Variants in RBMS1 observed in about 807,000 individuals in gnomAD.
RBMS1 encodes RNA binding motif single stranded interacting protein 1.
Under a neutral mutation model 62.3 loss-of-function variants are expected in RBMS1, and 17 were observed. The observed-to-expected ratio is 0.27, with a 90% CI of 0.19 to 0.41. The LOEUF is 0.41. Ranked by LOEUF, RBMS1 falls within the 10% of genes least tolerant of loss-of-function variation. The pLI is 1.00. For synonymous variants in RBMS1, 172 were observed against 170.0 expected (o/e 1.01, Z -0.09); for missense variants, 334 against 504.5 (o/e 0.66, Z 3.24).
intron 1 of RBMS1, among the ~76,000 whole-genome samples, chr2:160,476,836 G>A (rs991183666): frequency 1.3e-5 from 2 of 152,062 alleles, no homozygotes; most frequent in African/African-American, 4.8e-5. Flanking sequence ...TTACAGGCGT[G>A]AGCCACCGCG....
At chr2:160,283,915 G>A (rs1161822296) in intron 9 of RBMS1, 1 of 152,148 alleles carries the variant, frequency 6.6e-6, no homozygotes. Context: ...ATTACATATT[G>A]TAGTCCTCTA....
chr2:160,484,303 G>A (rs949952523), intron 1 of RBMS1, among the ~76,000 whole-genome samples: 16 of 151,846 alleles, frequency 1.1e-4, no homozygotes, highest in African/African-American at 3.9e-4. Flanking sequence ...AGACCATCCT[G>A]GCTAACACGG....
At chr2:160,401,902 T>C (rs1432774808) in intron 1 of RBMS1, 2 of 152,208 alleles carry the variant, frequency 1.3e-5, no homozygotes, top group Non-Finnish European at 2.9e-5. Context: ...ACTTTTCTAC[T>C]TCTTGGTACT....
intron 1 of RBMS1, chr2:160,407,989 CT>C: frequency 1.1e-6 from 1 of 897,246 alleles, no homozygotes; most frequent in Non-Finnish European, 1.3e-6. Flanking sequence ...CGCCCGCCCG[CT>C]GGGCGCGGCG....
At chr2:160,387,899 T>C (rs1186244735) in intron 1 of RBMS1, among the ~76,000 whole-genome samples, 1 of 152,022 alleles carries the variant, frequency 6.6e-6, no homozygotes, top group African/African-American at 2.4e-5. Context: ...AACCCAGAGG[T>C]TTATGCCTGG....
At chr2:160,331,231 G>C (rs1559393832) in intron 2 of RBMS1, among the ~76,000 whole-genome samples, 1 of 152,132 alleles carries the variant, frequency 6.6e-6, no homozygotes, top group Non-Finnish European at 1.5e-5. Context: ...TAAAACTCCA[G>C]CCAGCTTGCC....
At chr2:160,355,194 G>A (rs1230859348) in intron 2 of RBMS1, among the ~76,000 whole-genome samples, 1 of 152,146 alleles carries the variant, frequency 6.6e-6, no homozygotes, top group Non-Finnish European at 1.5e-5. Context: ...TCGACTGAGA[G>A]TTTCGAATCC....
intron 2 of RBMS1, among the ~76,000 whole-genome samples, chr2:160,356,943 T>C (rs750750160): frequency 6.6e-6 from 1 of 151,938 alleles, no homozygotes; most frequent in Non-Finnish European, 1.5e-5. Context: ...TTACACAGAA[T>C]TTTTTTTCAC....
At chr2:160,486,263 A>G (rs952342857) in intron 1 of RBMS1, among the ~76,000 whole-genome samples, 2 of 152,148 alleles carry the variant, frequency 1.3e-5, no homozygotes, top group East Asian at 1.9e-4. Context: ...TGTTTTCGCA[A>G]TTTGATTCCC....
chr2:160,292,189 A>C (rs1688716961), intron 6 of RBMS1, among the ~76,000 whole-genome samples: 1 of 152,228 alleles, frequency 6.6e-6, no homozygotes, highest in South Asian at 2.1e-4. Flanking sequence ...GCTCATAATT[A>C]GTCTCCAAGG....
intron 2 of RBMS1, among the ~76,000 whole-genome samples, chr2:160,344,864 C>A (rs1239499380): frequency 6.6e-6 from 1 of 152,040 alleles, no homozygotes; most frequent in Non-Finnish European, 1.5e-5. Context: ...TTAAACTGGA[C>A]CTAGTATACA....
At chr2:160,284,088 A>G (rs114416687) in intron 9 of RBMS1, 5 of 152,384 alleles carry the variant, frequency 3.3e-5, no homozygotes, top group Non-Finnish European at 7.3e-5. Context: ...TCCAGGAAGT[A>G]ATCCTGTTAG....
Position 160,273,165 on chromosome 2 carries a change from CTG to C in RBMS1, c.*1605_*1606del, listed in dbSNP as rs909590232. ...CTTATATGTACTAAAGTAGAAATAACTGTGTATTTATGAATCAGGAATTTCAT... is the reference window on the plus strand; with the variant it reads ...CTTATATGTACTAAAGTAGAAATAACTGTATTTATGAATCAGGAATTTCAT... On this transcript the variant is annotated 3_prime_UTR_variant, in exon 14 of 14. Transcript: ENST00000348849. 6.6e-6 allele frequency: 1 copy of C among 152,168 alleles called. No homozygotes were observed. The highest frequency in any genetic ancestry group is 2.4e-5 in the African/African-American group (1 of 41,430). The allele number at this position is 152,168 out of a possible 1,614,324, so 9.4% of individuals were successfully genotyped here.
intron 4 of RBMS1, among the ~76,000 whole-genome samples, chr2:160,305,952 C>G (rs1689486644): frequency 6.6e-6 from 1 of 152,044 alleles, no homozygotes; most frequent in Non-Finnish European, 1.5e-5. Flanking sequence ...CTAGACAACA[C>G]AGTGAGACCT....
chr2:160,289,194 T>C (rs1354094501), intron 6 of RBMS1, among the ~76,000 whole-genome samples: 4 of 152,210 alleles, frequency 2.6e-5, no homozygotes, highest in Non-Finnish European at 4.4e-5. Context: ...ATGACATGTT[T>C]GCAATTAGAT....
chr2:160,407,595 G>C (rs1695817494), intron 1 of RBMS1: 1 of 982,806 alleles, frequency 1.0e-6, no homozygotes, highest in Non-Finnish European at 1.2e-6. Context: ...TCGCCGCGAG[G>C]GGGAGGGCGC....
At chr2:160,364,623 G>A (rs77016500) in intron 2 of RBMS1, among the ~76,000 whole-genome samples, 3 of 152,184 alleles carry the variant, frequency 2.0e-5, no homozygotes, top group Non-Finnish European at 2.9e-5. Context: ...CACTGTAACC[G>A]CCTCTAACAT....
chr2:160,371,103 C>T (rs1357144585), intron 1 of RBMS1, among the ~76,000 whole-genome samples: 1 of 152,214 alleles, frequency 6.6e-6, no homozygotes, highest in Non-Finnish European at 1.5e-5. Context: ...ATTAAACCCT[C>T]ATTCATAGAT....
chr2:160,443,003 C>T (rs1683474681), intron 1 of RBMS1, among the ~76,000 whole-genome samples: 1 of 152,074 alleles, frequency 6.6e-6, no homozygotes, highest in South Asian at 2.1e-4. Flanking sequence ...GTCAGGAGTT[C>T]GAGACTAGCC....
Sources: allele counts gnomAD v4.1 joint callset (sites outside exome capture counted in the v4.1 genomes callset), GRCh38; gene constraint gnomAD v4.1.1; transcripts MANE v1.5; gene names NCBI Gene and HGNC (gene_info 2026-07-23, HGNC 2026-07-21).